SULF1: variants seen among roughly 807,000 people sequenced by gnomAD.
SULF1 encodes the protein extracellular sulfatase Sulf-1.
In SULF1, 46 loss-of-function variants were observed where a neutral mutation model predicts 110.5. The observed-to-expected ratio is 0.42, with a 90% CI of 0.33 to 0.53. The LOEUF is 0.53. SULF1 is among the 20% of genes least tolerant of loss of function. The pLI is 0.12. For synonymous variants in SULF1, 371 were observed against 387.1 expected (o/e 0.96, Z 0.49); for missense variants, 941 against 1,094.2 (o/e 0.86, Z 1.98).
chr8:69,552,143 G>A (rs1814767158), intron 3 of SULF1, among the ~76,000 whole-genome samples: 2 of 152,188 alleles, frequency 1.3e-5, no homozygotes, highest in South Asian at 4.1e-4. Flanking sequence ...AAATGCTGGA[G>A]TAATTAACAA....
chr8:69,551,653 G>A (rs1284871470), intron 3 of SULF1, among the ~76,000 whole-genome samples: 1 of 152,182 alleles, frequency 6.6e-6, no homozygotes, highest in Non-Finnish European at 1.5e-5. Context: ...CCCATGCGAA[G>A]GTCTGAGGAG....
intron 1 of SULF1, among the ~76,000 whole-genome samples, chr8:69,477,775 C>A (rs1007659807): frequency 6.6e-6 from 1 of 152,140 alleles, no homozygotes; most frequent in Non-Finnish European, 1.5e-5. Context: ...TTCTGCCATT[C>A]CCTTCACCTA....
intron 3 of SULF1, among the ~76,000 whole-genome samples, chr8:69,517,274 A>G (rs959736585): frequency 2.6e-5 from 4 of 152,196 alleles, no homozygotes; most frequent in Non-Finnish European, 5.9e-5. Flanking sequence ...TTATCTGTCC[A>G]TGAGGGCAGA....
intron 6 of SULF1, among the ~76,000 whole-genome samples, chr8:69,584,117 C>T (rs998746027): frequency 6.6e-6 from 1 of 152,144 alleles, no homozygotes; most frequent in Non-Finnish European, 1.5e-5. Context: ...TGAGGGTAAT[C>T]TGAGATTGCG....
At chr8:69,657,079 G>T (rs190576020) in intron 22 of SULF1, among the ~76,000 whole-genome samples, 11 of 152,212 alleles carry the variant, frequency 7.2e-5, no homozygotes, top group Non-Finnish European at 1.5e-4. Flanking sequence ...TATAGATTTA[G>T]GTTCTTTTAT....
At chr8:69,604,964 C>A (rs775208502) in intron 13 of SULF1, 32 bp downstream of exon 13, 2 of 1,607,116 alleles carry the variant, frequency 1.2e-6, no homozygotes, top group South Asian at 2.2e-5. Context: ...TACCACCACT[C>A]ATGTGCTTCT....
At chr8:69,644,411 C>T (rs1480574801) in intron 22 of SULF1, among the ~76,000 whole-genome samples, 2 of 152,206 alleles carry the variant, frequency 1.3e-5, no homozygotes, top group African/African-American at 4.8e-5. Context: ...AAGGGAATTT[C>T]AGTGATATGA....
rs146388850 is a variant in SULF1 at position 69,624,918 on chromosome 8, T to G, written c.1850+721T>G. ...AAGATCTTTGTTTTCTCTCCCTAAT[T>G]GTATCACTTTGAGGAGATGGGACAC... On this transcript the variant is annotated intron_variant, in intron 15 of 22. Transcript: ENST00000402687. Among the ~76,000 whole-genome samples the G allele has an allele frequency of 7.3e-4, 111 of 152,348 alleles. 1 individual carries two copies. In the East Asian group the frequency reaches 0.02, roughly 28 times the overall value.
intron 19 of SULF1, among the ~76,000 whole-genome samples, chr8:69,635,663 G>A (rs750693324): frequency 2.0e-4 from 30 of 152,152 alleles, no homozygotes; most frequent in Middle Eastern, 3.4e-3. Context: ...CTTGAGTGTC[G>A]GAGTTCGAGA....
intron 19 of SULF1, among the ~76,000 whole-genome samples, chr8:69,630,011 G>A (rs1361225522): frequency 6.6e-6 from 1 of 152,156 alleles, no homozygotes; most frequent in Non-Finnish European, 1.5e-5. Flanking sequence ...TCCCGTAAAT[G>A]GATGAACAAT....
intron 3 of SULF1, among the ~76,000 whole-genome samples, chr8:69,526,827 A>AAGGAAGGAAGGAAGGG (rs1432788129): frequency 2.0e-5 from 3 of 146,554 alleles, no homozygotes; most frequent in Admixed American, 6.8e-5. Flanking sequence ...GGAAGGAAGG[A>AAGGAAGGAAGGAAGGG]AGGAAGGAAG....
At chr8:69,562,587 A>G (rs1815578368) in intron 3 of SULF1, among the ~76,000 whole-genome samples, 1 of 152,158 alleles carries the variant, frequency 6.6e-6, no homozygotes, top group Non-Finnish European at 1.5e-5. Flanking sequence ...CTATCTTTCC[A>G]AGAGAAAAGC....
intron 19 of SULF1, among the ~76,000 whole-genome samples, chr8:69,631,636 C>A (rs1207427652): frequency 6.6e-6 from 1 of 152,268 alleles, no homozygotes; most frequent in African/African-American, 2.4e-5. Context: ...ACACTGGGAC[C>A]ATTGCCTCCT....
At chr8:69,614,038 T>C (rs1472825965) in intron 13 of SULF1, among the ~76,000 whole-genome samples, 5 of 152,156 alleles carry the variant, frequency 3.3e-5, no homozygotes, top group African/African-American at 7.2e-5. Context: ...CTACCTCTTA[T>C]CAAATACACA....
rs139096825 is a variant in SULF1 at position 69,655,996 on chromosome 8, G to A, written c.2586-2509G>A. 5.3e-3 allele frequency among the ~76,000 whole-genome samples: 811 copies of A among 152,240 alleles called. 3 individuals carry two copies. The highest frequency in any genetic ancestry group is 0.019 in the African/African-American group (779 of 41,530). ...CCCCATTGATTTCTTGGACAAACGA[G>A]TCACAGCCTCTGGAAGATTGCTGAA... On this transcript the variant is annotated intron_variant, in intron 22 of 22. Transcript: ENST00000402687.
chr8:69,589,913 G>T (rs1361299029), intron 8 of SULF1, among the ~76,000 whole-genome samples: 2 of 152,198 alleles, frequency 1.3e-5, no homozygotes, highest in Admixed American at 6.5e-5. Flanking sequence ...CAGAGCAGTG[G>T]AGTTGGCTCT....
chr8:69,478,928 T>C (rs1039128047), intron 1 of SULF1, among the ~76,000 whole-genome samples: 1 of 152,178 alleles, frequency 6.6e-6, no homozygotes, highest in African/African-American at 2.4e-5. Context: ...TAGAACATTA[T>C]ATTTTAGTCA....
chr8:69,610,261 C>T (rs1333459255), intron 13 of SULF1, among the ~76,000 whole-genome samples: 1 of 152,192 alleles, frequency 6.6e-6, no homozygotes, highest in East Asian at 1.9e-4. Context: ...TGAGTGGAAA[C>T]TGGTTTAGCT....
chr8:69,551,224 A>T (rs1210748830), intron 3 of SULF1, among the ~76,000 whole-genome samples: 3 of 152,208 alleles, frequency 2.0e-5, no homozygotes, highest in Admixed American at 2.0e-4. Context: ...TTACCTTAAG[A>T]TGGAAATTTC....
Sources: allele counts gnomAD v4.1 joint callset (sites outside exome capture counted in the v4.1 genomes callset), GRCh38; gene constraint gnomAD v4.1.1; transcripts MANE v1.5; gene names NCBI Gene and HGNC (gene_info 2026-07-23, HGNC 2026-07-21).